Variants in NUP98 observed in about 807,000 individuals in gnomAD.
NUP98 encodes the protein nucleoporin 98 and 96 precursor, also known as nuclear pore complex protein Nup98-Nup96.
In NUP98, 26 loss-of-function variants were observed where a neutral mutation model predicts 191.9. The observed-to-expected ratio is 0.14, with a 90% CI of 0.10 to 0.19. The LOEUF is 0.19. NUP98 is among the 10% of genes least tolerant of loss of function. NUP98 has a pLI of 1.00. For missense variants in NUP98, 1,941 were observed against 2,178.8 expected (o/e 0.89, Z 2.17); for synonymous variants, 808 against 778.4 (o/e 1.04, Z -0.63).
intron 8 of NUP98, among the ~76,000 whole-genome samples, chr11:3,764,104 G>A (rs2081263276): frequency 6.6e-6 from 1 of 151,818 alleles, no homozygotes; most frequent in Non-Finnish European, 1.5e-5. Flanking sequence ...AGAAATCCCA[G>A]ACCCATCAGT....
In NUP98 at chr11:3,744,560, A is replaced by G; in HGVS notation, c.1357T>C (p.Phe453Leu). 6.2e-7 allele frequency: 1 copy of G among 1,613,842 alleles called. No homozygotes were observed. The highest frequency in any genetic ancestry group is 8.5e-7 in the Non-Finnish European group (1 of 1,179,868). ...LGTGAFGAPG[F>L]NTTTATLGFG... is the part of the protein sequence containing the mutation. ...CCCAAAGTGGCTGTCGTAGTATTAA[A>G]TCCAGGGGCCCCAAAGGCTCCTGTA... The change falls in exon 12 of 33, where the codon TTT becomes CTT. Residue 453 changes from phenylalanine (F) to leucine (L), a missense_variant. Phe to Leu is a conservative substitution (Grantham distance 22). Around this residue, in one of 6 missense-constraint regions of NUP98, gnomAD observed 453 missense variants for 438.2 expected, o/e 1.03. Coordinates refer to ENST00000324932, the MANE Select transcript of NUP98 (RefSeq NM_016320.5).
chr11:3,740,127 G>T (rs576090761), intron 12 of NUP98, among the ~76,000 whole-genome samples: 3 of 152,094 alleles, frequency 2.0e-5, no homozygotes, highest in Non-Finnish European at 4.4e-5. Flanking sequence ...CAAATGACGC[G>T]TATCTACCTT....
Position 3,691,552 on chromosome 11 carries a change from T to C in NUP98, c.4312-63A>G, listed in dbSNP as rs369623064. The C allele has an allele frequency of 2.9e-5, 45 of 1,533,472 alleles. No individual in the cohort carries two copies. In the East Asian group the frequency reaches 4.6e-4, roughly 16 times the overall value. The allele number at this position is 1,533,472 out of a possible 1,614,324, so 95.0% of individuals were successfully genotyped here. On this transcript the variant is annotated intron_variant, in intron 27 of 32. Transcript: ENST00000324932. Reference sequence around the variant, plus strand: ...TAATCAGTTTTACTAGATGCCATTATGTTTCTTCTTTTTTTTTTTGAGAGG... The same window carrying C: ...TAATCAGTTTTACTAGATGCCATTACGTTTCTTCTTTTTTTTTTTGAGAGG...
At chr11:3,712,535 A>T (rs370431238) in intron 20 of NUP98, 29 bp downstream of exon 20, 1 of 1,611,340 alleles carries the variant, frequency 6.2e-7, no homozygotes, top group Non-Finnish European at 8.5e-7. Context: ...CACGGATTCC[A>T]TTCAAATTCA....
chr11:3,726,981 G>C (rs1228481223), intron 14 of NUP98, among the ~76,000 whole-genome samples: 5 of 151,950 alleles, frequency 3.3e-5, no homozygotes, highest in Admixed American at 6.6e-5. Flanking sequence ...GCCAAGGTTG[G>C]TCTCACTGGC....
intron 11 of NUP98, among the ~76,000 whole-genome samples, chr11:3,748,253 G>A (rs770306288): frequency 2.6e-4 from 39 of 152,304 alleles, no homozygotes; most frequent in Non-Finnish European, 4.3e-4. Context: ...AGGAGCCAAA[G>A]TAATTCTGAT....
intron 8 of NUP98, among the ~76,000 whole-genome samples, chr11:3,766,689 CAAAAAAA>C (rs544567161): frequency 1.7e-5 from 1 of 58,884 alleles, no homozygotes; most frequent in Non-Finnish European, 3.6e-5. Context: ...AACTCCGTCT[CAAAAAAA>C]AAAAAAAAAA....
chr11:3,684,764 G>T, intron 29 of NUP98, among the ~76,000 whole-genome samples: 1 of 59,862 alleles, frequency 1.7e-5, no homozygotes, highest in East Asian at 5.1e-4. Flanking sequence ...GCTTTCACAG[G>T]CCAAAAAAAA....
chr11:3,762,911 A>T lies in NUP98; in HGVS notation c.1077T>A (p.Ala359=). Residue 359 remains alanine (A), a synonymous_variant, in exon 9 of 33, where the codon GCT becomes GCA. Coordinates refer to ENST00000324932, the MANE Select transcript of NUP98 (RefSeq NM_016320.5). ...LFGQTNTGFG[A]VGSTLFGNNK... ...AACTGCAGAAACCTACCGAACCAAC[A>T]GCACCAAATCCAGTATTGGTCTGCC... is the stretch of plus-strand genomic sequence containing the variant. The T allele has an allele frequency of 1.2e-6, 2 of 1,613,714 alleles. No homozygotes were observed. The highest frequency in any genetic ancestry group is 2.2e-5 in the South Asian group (2 of 90,942).
intron 1 of NUP98, among the ~76,000 whole-genome samples, chr11:3,784,596 C>CAAAAAAAAAAAAAA (rs60126486): frequency 1.4e-5 from 2 of 141,912 alleles, no homozygotes; most frequent in Non-Finnish European, 1.5e-5. Context: ...AAAAAAAAAA[C>CAAAAAAAAAAAAAA]AAAAAAAAAC....
chr11:3,771,956 T>C (rs761626222), intron 6 of NUP98, 28 bp from the exon 7 acceptor site: 12 of 1,587,456 alleles, frequency 7.6e-6, no homozygotes, highest in Non-Finnish European at 9.5e-6. Context: ...ATATTTCTAA[T>C]CTTAACATGC....
intron 15 of NUP98, among the ~76,000 whole-genome samples, chr11:3,724,856 C>A (rs922296200): frequency 8.6e-5 from 13 of 150,994 alleles, no homozygotes; most frequent in African/African-American, 2.7e-4. Context: ...TACATGCTAA[C>A]CCTGTCCAAA....
chr11:3,737,696 G>T (rs535793516), intron 12 of NUP98, among the ~76,000 whole-genome samples: 1 of 152,016 alleles, frequency 6.6e-6, no homozygotes, highest in South Asian at 2.1e-4. Flanking sequence ...AGAGTCAAAG[G>T]TTTCTTAAAA....
At chr11:3,747,419 G>A (rs565673584) in intron 11 of NUP98, among the ~76,000 whole-genome samples, 4 of 152,022 alleles carry the variant, frequency 2.6e-5, no homozygotes, top group Non-Finnish European at 4.4e-5. Flanking sequence ...GTAGAACAAA[G>A]GTTTATTATT....
At chr11:3,684,923 A>G (rs974350779) in intron 29 of NUP98, among the ~76,000 whole-genome samples, 2 of 152,164 alleles carry the variant, frequency 1.3e-5, no homozygotes, top group Non-Finnish European at 2.9e-5. Context: ...ACCATGCAAC[A>G]CAACAGTGCA....
chr11:3,746,097 C>G (rs1011298088), intron 11 of NUP98, among the ~76,000 whole-genome samples: 1 of 151,794 alleles, frequency 6.6e-6, no homozygotes, highest in Non-Finnish European at 1.5e-5. Flanking sequence ...TGGAGAAACC[C>G]TGTCTCTACT....
At chr11:3,786,689 A>ATAC (rs1349091102) in intron 1 of NUP98, among the ~76,000 whole-genome samples, 2 of 152,214 alleles carry the variant, frequency 1.3e-5, no homozygotes, top group African/African-American at 4.8e-5. Flanking sequence ...ATACACTGAT[A>ATAC]TACTGTTTTA....
rs967964456 is a variant in NUP98, at chr11:3,731,636, C to G, written c.1543-58G>C. ...TTTACTTTAAATGTACTGCACTGGCCTTAAAAATCACAAGACCAGATTTCA... is the reference window on the plus strand; with the variant it reads ...TTTACTTTAAATGTACTGCACTGGCGTTAAAAATCACAAGACCAGATTTCA... On this transcript the variant is annotated intron_variant, in intron 13 of 32. Transcript: ENST00000324932. 2.5e-6 allele frequency: 3 copies of G among 1,201,996 alleles called. No individual in the cohort carries two copies. The South Asian group carries it at 6.8e-5, about 27-fold the overall frequency. 74.5% of individuals were successfully genotyped at this position (1,201,996 alleles called of 1,614,324 possible).
intron 12 of NUP98, 27 bp from the exon 13 acceptor site, chr11:3,735,351 AAT>A (rs144227838): frequency 0.017 from 17,129 of 1,007,638 alleles, no homozygotes; most frequent in East Asian, 0.028. Context: ...AAGAAAACAA[AAT>A]ATATATATAT....
Sources: allele counts gnomAD v4.1 joint callset (sites outside exome capture counted in the v4.1 genomes callset), GRCh38; gene constraint gnomAD v4.1.1; regional missense constraint gnomAD v4.1.1; transcripts MANE v1.5; gene names NCBI Gene and HGNC (gene_info 2026-07-23, HGNC 2026-07-21).